The following LPP variants were observed in gnomAD, a reference collection of about 807,000 sequenced individuals.
LPP encodes the protein lipoma-preferred partner.
A neutral mutation model predicts 60.4 loss-of-function variants in LPP; 38 were observed. The observed-to-expected ratio is 0.63, with a 90% CI of 0.49 to 0.83. The LOEUF (loss-of-function observed/expected upper bound fraction) is 0.83, where lower values mean the gene tolerates loss of function less well. Ranked by LOEUF, LPP falls within the 40% of genes least tolerant of loss-of-function variation. The pLI is 0.00. For missense variants in LPP, 902 were observed against 783.6 expected (o/e 1.15, Z -1.80); for synonymous variants, 328 against 290.8 (o/e 1.13, Z -1.30).
chr3:188,463,359 T>TA (rs10541444), intron 4 of LPP, among the ~76,000 whole-genome samples: 19 of 147,812 alleles, frequency 1.3e-4, no homozygotes, highest in South Asian at 4.3e-4. Context: ...CTGACTAATT[T>TA]AAAAAAAAAA....
intron 1 of LPP, among the ~76,000 whole-genome samples, chr3:188,190,925 C>A (rs930939030): frequency 6.6e-6 from 1 of 152,172 alleles, no homozygotes; most frequent in African/African-American, 2.4e-5. Flanking sequence ...GTTTGATGTG[C>A]CACCATTTTT....
intron 2 of LPP, chr3:188,239,952 C>A (rs1252736563): frequency 1.0e-5 from 2 of 200,034 alleles, no homozygotes; most frequent in African/African-American, 4.6e-5. Context: ...TTATTTTATC[C>A]CAAACACCTC....
At position 188,881,502 on chromosome 3, in the gene LPP, G is replaced by C. The variant is rs80004576; in HGVS notation, c.*7023G>C. ...GGCTAGGTTGAAAGGCTTTCTTTAG[G>C]GTTGAAAGTAAACGAAATTGGAATC... On this transcript the variant is annotated 3_prime_UTR_variant, in exon 12 of 12. Transcript: ENST00000617246. 4.7e-6 allele frequency: 1 copy of C among 212,878 alleles called. No homozygotes were observed. The highest frequency in any genetic ancestry group is 7.0e-5 in the East Asian group (1 of 14,222). 13.2% of individuals were successfully genotyped at this position (212,878 alleles called of 1,614,324 possible). A position where few individuals can be genotyped will look rare whatever the true frequency, so the allele number is the denominator to read the frequency against.
At chr3:188,212,976 G>A (rs1163615921) in intron 1 of LPP, 1 of 152,182 alleles carries the variant, frequency 6.6e-6, no homozygotes, top group Non-Finnish European at 1.5e-5. Flanking sequence ...TCCCAGGGGA[G>A]TACTTCTTAC....
At chr3:188,666,447 G>C (rs1328770407) in intron 7 of LPP, among the ~76,000 whole-genome samples, 1 of 152,228 alleles carries the variant, frequency 6.6e-6, no homozygotes, top group Non-Finnish European at 1.5e-5. Context: ...CATCAAGGCA[G>C]TATAACTTAG....
intron 6 of LPP, among the ~76,000 whole-genome samples, chr3:188,588,608 T>C (rs1173733985): frequency 6.6e-6 from 1 of 152,238 alleles, no homozygotes; most frequent in African/African-American, 2.4e-5. Flanking sequence ...TTTCCTCATC[T>C]ACAAAATGAG....
At chr3:188,536,319 AT>A (rs10603523) in intron 6 of LPP, among the ~76,000 whole-genome samples, 16 of 150,392 alleles carry the variant, frequency 1.1e-4, no homozygotes, top group African/African-American at 2.2e-4. Flanking sequence ...ATATTACAAG[AT>A]TTTTTTTTTT....
intron 2 of LPP, chr3:188,247,082 C>A: frequency 3.9e-6 from 2 of 511,170 alleles, no homozygotes; most frequent in Non-Finnish European, 5.0e-6. Flanking sequence ...GAGTTCAGAT[C>A]ACTCTAATTT....
chr3:188,475,959 C>T (rs1040057976), intron 4 of LPP, among the ~76,000 whole-genome samples: 10 of 152,050 alleles, frequency 6.6e-5, no homozygotes, highest in African/African-American at 2.4e-4. Context: ...GTTCTTCCCC[C>T]GGATATGCCA....
At chr3:188,435,908 C>T (rs1469170610) in intron 4 of LPP, among the ~76,000 whole-genome samples, 1 of 152,188 alleles carries the variant, frequency 6.6e-6, no homozygotes, top group African/African-American at 2.4e-5. Flanking sequence ...AGACAAAAGG[C>T]ATATGGCTTT....
chr3:188,849,813 T>C (rs1477476263), intron 9 of LPP, among the ~76,000 whole-genome samples: 1 of 152,234 alleles, frequency 6.6e-6, no homozygotes, highest in Non-Finnish European at 1.5e-5. Context: ...TAGGTAGATA[T>C]CTAATGGTAC....
At chr3:188,765,854 T>A (rs1733869403) in intron 9 of LPP, among the ~76,000 whole-genome samples, 1 of 137,672 alleles carries the variant, frequency 7.3e-6, no homozygotes, top group Non-Finnish European at 1.6e-5. Flanking sequence ...CAACTTAATG[T>A]TCAACTCTTT....
intron 6 of LPP, among the ~76,000 whole-genome samples, chr3:188,525,092 G>A (rs1381845479): frequency 6.6e-6 from 1 of 151,068 alleles, no homozygotes; most frequent in Non-Finnish European, 1.5e-5. Flanking sequence ...TCAGCCTCCT[G>A]AGTAGCTGGG....
intron 4 of LPP, among the ~76,000 whole-genome samples, chr3:188,483,920 T>A (rs1202302595): frequency 6.6e-6 from 1 of 152,230 alleles, no homozygotes; most frequent in Non-Finnish European, 1.5e-5. Context: ...TCAAACCCTT[T>A]TTTTGATGTG....
intron 7 of LPP, among the ~76,000 whole-genome samples, chr3:188,633,594 CAT>C (rs1407875258): frequency 6.6e-6 from 1 of 152,094 alleles, no homozygotes; most frequent in East Asian, 1.9e-4. Flanking sequence ...TTCCAGATAA[CAT>C]ATTCTAATGG....
chr3:188,501,872 G>A (rs1486008598), intron 5 of LPP, among the ~76,000 whole-genome samples: 7 of 151,596 alleles, frequency 4.6e-5, no homozygotes, highest in South Asian at 2.1e-4. Flanking sequence ...AGCTGAGGTC[G>A]TGCCATTGCA....
chr3:188,728,657 T>G (rs1419858669), intron 8 of LPP, among the ~76,000 whole-genome samples: 1 of 152,172 alleles, frequency 6.6e-6, no homozygotes, highest in Non-Finnish European at 1.5e-5. Context: ...CAATTTCTGT[T>G]CCTTTGATAA....
At chr3:188,262,590 T>TG (rs1442503367) in intron 2 of LPP, among the ~76,000 whole-genome samples, 1 of 152,010 alleles carries the variant, frequency 6.6e-6, no homozygotes, top group Non-Finnish European at 1.5e-5. Context: ...TCACCCCAAA[T>TG]GCACTTGTAT....
Position 188,881,609 on chromosome 3 carries a change from A to G in LPP, c.*7130A>G, listed in dbSNP as rs1256393317. ...GGATAGAACTCCCATGTCTACAGAC[A>G]GTTCTGTTACTTTTTGTTCTGTACT... On this transcript the variant is annotated 3_prime_UTR_variant, in exon 12 of 12. Transcript: ENST00000617246. The G allele has an allele frequency of 4.5e-6, 1 of 220,204 alleles. No homozygotes were observed. Among genetic ancestry groups the G allele is most frequent in the Admixed American group, 5.8e-5 (1 of 17,340 alleles). The allele number at this position is 220,204 out of a possible 1,614,324, so 13.6% of individuals were successfully genotyped here. A position where few individuals can be genotyped will look rare whatever the true frequency, so the allele number is the denominator to read the frequency against.
Sources: gnomAD v4.1 joint callset for allele counts (sites outside exome capture counted in the v4.1 genomes callset) on GRCh38, gnomAD v4.1.1 for gene constraint, MANE v1.5 for transcripts, NCBI Gene and HGNC (gene_info 2026-07-23, HGNC 2026-07-21) for gene names.